Variants in SNX3 observed in about 807,000 individuals in gnomAD.
SNX3 encodes the protein sorting nexin 3.
SNX3 carries 5 observed loss-of-function variants against 17.7 expected under a neutral mutation model. The ratio of observed to expected loss-of-function variants is 0.28; its 90% CI spans 0.15 to 0.59. The LOEUF (loss-of-function observed/expected upper bound fraction) is 0.59, where lower values mean the gene tolerates loss of function less well. Ranked by LOEUF, SNX3 falls within the 20% of genes least tolerant of loss-of-function variation. The pLI, the probability that SNX3 is intolerant of heterozygous loss-of-function variation, is 0.88. For synonymous variants in SNX3, 91 were observed against 76.5 expected (o/e 1.19, Z -0.99); for missense variants, 132 against 206.8 (o/e 0.64, Z 2.22).
intron 1 of SNX3, chr6:108,252,181 T>C (rs1775884293): frequency 6.6e-6 from 1 of 152,254 alleles, no homozygotes; most frequent in South Asian, 2.1e-4. Flanking sequence ...TCCAGTTTCC[T>C]GTGCTGGGTC....
chr6:108,212,882 CTTT>C (rs776376957), intron 3 of SNX3, among the ~76,000 whole-genome samples: 4 of 118,952 alleles, frequency 3.4e-5, no homozygotes, highest in Admixed American at 9.0e-5. Flanking sequence ...TCCTAAGAAT[CTTT>C]TTTTTTTTTT....
At chr6:108,260,199 T>C (rs1475605933) in intron 1 of SNX3, among the ~76,000 whole-genome samples, 2 of 152,200 alleles carry the variant, frequency 1.3e-5, no homozygotes, top group African/African-American at 2.4e-5. Context: ...GTCAACCATG[T>C]CCAATCACCC....
At chr6:108,229,887 A>C (rs1775088671) in intron 1 of SNX3, among the ~76,000 whole-genome samples, 1 of 152,238 alleles carries the variant, frequency 6.6e-6, no homozygotes, top group African/African-American at 2.4e-5. Context: ...TCAGGAGTTA[A>C]TAAATATGTT....
intron 3 of SNX3, among the ~76,000 whole-genome samples, chr6:108,214,119 T>C (rs866823458): frequency 6.6e-6 from 1 of 152,178 alleles, no homozygotes; most frequent in Non-Finnish European, 1.5e-5. Context: ...TGCTAATACC[T>C]CCATCTGCAA....
chr6:108,248,838 G>A (rs1441291082), intron 1 of SNX3, among the ~76,000 whole-genome samples: 2 of 151,616 alleles, frequency 1.3e-5, no homozygotes, highest in Non-Finnish European at 2.9e-5. Flanking sequence ...ATAGCTCACT[G>A]CAGCCTTAAC....
chr6:108,251,372 A>G (rs561186074), intron 1 of SNX3, among the ~76,000 whole-genome samples: 1 of 152,314 alleles, frequency 6.6e-6, no homozygotes, highest in South Asian at 2.1e-4. Flanking sequence ...AACCACAACC[A>G]TTTGTTAATG....
chr6:108,258,597 C>T (rs142851521), intron 1 of SNX3, among the ~76,000 whole-genome samples: 367 of 152,194 alleles, frequency 2.4e-3, no homozygotes, highest in African/African-American at 8.5e-3. Context: ...GCAGCCTCGA[C>T]CTCCTGGGCT....
At chr6:108,225,147 T>G (rs1193228488) in intron 1 of SNX3, among the ~76,000 whole-genome samples, 1 of 152,128 alleles carries the variant, frequency 6.6e-6, no homozygotes, top group African/African-American at 2.4e-5. Flanking sequence ...CCAGACGTAG[T>G]GGCAGGCGCC....
intron 1 of SNX3, among the ~76,000 whole-genome samples, chr6:108,225,007 G>A (rs1774931355): frequency 6.6e-6 from 1 of 152,174 alleles, no homozygotes; most frequent in Admixed American, 6.5e-5. Context: ...ATGCGGCAGG[G>A]CGCGGTGGCT....
intron 1 of SNX3, among the ~76,000 whole-genome samples, chr6:108,231,942 C>T (rs1032353476): frequency 2.6e-5 from 4 of 152,150 alleles, no homozygotes; most frequent in African/African-American, 9.7e-5. Flanking sequence ...CAGAATTAAA[C>T]AAGGGTTTAT....
At chr6:108,249,026 C>T (rs1055507758) in intron 1 of SNX3, among the ~76,000 whole-genome samples, 3 of 152,138 alleles carry the variant, frequency 2.0e-5, no homozygotes, top group African/African-American at 7.2e-5. Flanking sequence ...TACAACTGCA[C>T]ATTGCCATAT....
intron 1 of SNX3, among the ~76,000 whole-genome samples, chr6:108,250,721 T>G (rs979093224): frequency 2.0e-5 from 3 of 152,156 alleles, no homozygotes; most frequent in Non-Finnish European, 4.4e-5. Context: ...AACAGAGAAC[T>G]TCATCCCACA....
rs3778585 is a variant in SNX3, at chr6:108,238,424, T to A, written c.163-15379A>T. ...TCAGAGGCTTTAAAGCTAACAAAAA[T>A]TTTCTAAGTATACTTTTTACAGCCA... On this transcript the variant is annotated intron_variant, in intron 1 of 3. Transcript: ENST00000230085. Among the ~76,000 whole-genome samples, 15 of 152,140 alleles carry A rather than the reference T, an allele frequency of 9.9e-5. No homozygotes were observed. The East Asian group carries it at 2.5e-3, about 25-fold the overall frequency.
chr6:108,243,798 T>C (rs1775600252), intron 1 of SNX3, among the ~76,000 whole-genome samples: 1 of 151,986 alleles, frequency 6.6e-6, no homozygotes, highest in South Asian at 2.1e-4. Flanking sequence ...CCAGGCATGG[T>C]GGTACGAGCC....
intron 1 of SNX3, among the ~76,000 whole-genome samples, chr6:108,249,564 T>C (rs1191720388): frequency 6.6e-6 from 1 of 152,226 alleles, no homozygotes; most frequent in Non-Finnish European, 1.5e-5. Context: ...TGAACCACCA[T>C]GAACCTGCTG....
intron 1 of SNX3, among the ~76,000 whole-genome samples, chr6:108,257,467 C>G (rs1473990159): frequency 6.6e-6 from 1 of 152,078 alleles, no homozygotes; most frequent in African/African-American, 2.4e-5. Context: ...GAGCCACAAT[C>G]ATGCCACTGT....
At chr6:108,258,407 A>C (rs759598680) in intron 1 of SNX3, among the ~76,000 whole-genome samples, 16 of 152,104 alleles carry the variant, frequency 1.1e-4, no homozygotes, top group Non-Finnish European at 1.9e-4. Flanking sequence ...GCTGTGAGCC[A>C]AAATAGCGCC....
At chr6:108,246,605 T>C (rs1472972723) in intron 1 of SNX3, among the ~76,000 whole-genome samples, 3 of 151,904 alleles carry the variant, frequency 2.0e-5, no homozygotes, top group Non-Finnish European at 4.4e-5. Flanking sequence ...GCTGGGATTA[T>C]AGGCGTGAGA....
chr6:108,256,103 G>A (rs1432557085), intron 1 of SNX3, among the ~76,000 whole-genome samples: 2 of 151,974 alleles, frequency 1.3e-5, no homozygotes, highest in African/African-American at 2.4e-5. Flanking sequence ...GGTGGTATGC[G>A]CCTGTGGTCC....
Sources: allele counts gnomAD v4.1 joint callset (sites outside exome capture counted in the v4.1 genomes callset), GRCh38; gene constraint gnomAD v4.1.1; transcripts MANE v1.5; gene names NCBI Gene and HGNC (gene_info 2026-07-23, HGNC 2026-07-21).